The following CLNK variants were observed in gnomAD, a reference collection of about 807,000 sequenced individuals.
CLNK encodes cytokine-dependent hematopoietic cell linker.
In CLNK, 74 loss-of-function variants were observed where a neutral mutation model predicts 68.6. That is an observed-to-expected ratio of 1.08 (90% CI 0.89 to 1.31). The LOEUF is 1.31. Ranked by LOEUF, CLNK falls within the 50% of genes most tolerant of loss-of-function variation. CLNK has a pLI of 0.00. For missense variants in CLNK, 553 were observed against 515.3 expected (o/e 1.07, Z -0.71); for synonymous variants, 198 against 172.2 (o/e 1.15, Z -1.17).
At chr4:10,586,382 A>G (rs1720969910) in intron 3 of CLNK, among the ~76,000 whole-genome samples, 1 of 127,900 alleles carries the variant, frequency 7.8e-6, no homozygotes. Flanking sequence ...ACCAGGCTGG[A>G]GTGCAGTGGT....
intron 2 of CLNK, among the ~76,000 whole-genome samples, chr4:10,648,095 T>G (rs1723583931): frequency 6.6e-6 from 1 of 152,208 alleles, no homozygotes; most frequent in African/African-American, 2.4e-5. Context: ...ATCCTGGTGT[T>G]ATAGGACAGA....
chr4:10,718,114 C>A, the CLNK span, among the ~76,000 whole-genome samples: 2 of 152,130 alleles, frequency 1.3e-5, no homozygotes, highest in African/African-American at 4.8e-5. Flanking sequence ...AATCTATGGG[C>A]TCAACAGCAG....
the CLNK span, among the ~76,000 whole-genome samples, chr4:10,721,634 A>G: frequency 0.44 from 67,546 of 152,054 alleles, 15,583 homozygotes; most frequent in East Asian, 0.58. Context: ...ATATTTTCAT[A>G]CATTCATTCA....
At position 10,502,723 on chromosome 4, in the gene CLNK, A is replaced by G. The variant is rs115449985; in HGVS notation, c.985-1312T>C. Reference sequence around the variant, plus strand: ...TCCTGAAAGAGACATGGGGCTTTTAAGTCATGGATATCAAACTGAATGGAG... The same window carrying G: ...TCCTGAAAGAGACATGGGGCTTTTAGGTCATGGATATCAAACTGAATGGAG... On this transcript the variant is annotated intron_variant, in intron 17 of 18. Coordinates refer to ENST00000226951, the MANE Select transcript of CLNK (RefSeq NM_052964.4). Among the ~76,000 whole-genome samples the G allele has an allele frequency of 7.4e-3, 1,124 of 152,128 alleles. 13 individuals carry two copies. Among genetic ancestry groups the G allele is most frequent in the African/African-American group, 0.026 (1,067 of 41,498 alleles).
chr4:10,572,964 GA>G lies in CLNK; in HGVS notation c.113-1187del, dbSNP rs36029326. The stretch of plus-strand genomic sequence containing the variant: ...GTGCCTCAGCCTCCCGAGTGGCTGG[GA>G]TTACAGGAGCACACCACCACACCCA... On this transcript the variant is annotated intron_variant, in intron 4 of 18. Transcript: ENST00000226951. 3.1e-3 allele frequency among the ~76,000 whole-genome samples: 468 copies of G among 152,212 alleles called. 1 individual carries two copies. Among genetic ancestry groups the G allele is most frequent in the Non-Finnish European group, 5.1e-3 (349 of 68,016 alleles).
intron 11 of CLNK, 46 bp from the exon 12 acceptor site, chr4:10,532,329 T>A: frequency 6.6e-7 from 1 of 1,509,742 alleles, no homozygotes; most frequent in Non-Finnish European, 9.2e-7. Flanking sequence ...CAGTTCATAA[T>A]GACCAAGATA....
the CLNK span, among the ~76,000 whole-genome samples, chr4:10,731,362 C>A: frequency 6.6e-6 from 1 of 152,192 alleles, no homozygotes; most frequent in African/African-American, 2.4e-5. Flanking sequence ...CCGGGTGGTT[C>A]GGGGCTCCCA....
chr4:10,629,094 C>T (rs1022775259), intron 2 of CLNK, among the ~76,000 whole-genome samples: 1 of 152,144 alleles, frequency 6.6e-6, no homozygotes, highest in Non-Finnish European at 1.5e-5. Flanking sequence ...TGACCAGCTC[C>T]CATGCCCCCA....
chr4:10,538,013 G>A (rs1443901942), intron 11 of CLNK, among the ~76,000 whole-genome samples: 1 of 151,880 alleles, frequency 6.6e-6, no homozygotes, highest in Non-Finnish European at 1.5e-5. Context: ...CATTGCTACT[G>A]GGTCCCAAGA....
intron 2 of CLNK, among the ~76,000 whole-genome samples, chr4:10,607,670 T>G (rs1015633034): frequency 6.6e-6 from 1 of 152,166 alleles, no homozygotes; most frequent in African/African-American, 2.4e-5. Context: ...GCTGCAGCAT[T>G]AGGGACCTTG....
chr4:10,690,374 T>C, the CLNK span, among the ~76,000 whole-genome samples: 1 of 152,180 alleles, frequency 6.6e-6, no homozygotes, highest in Admixed American at 6.5e-5. Flanking sequence ...TGACTTTGTA[T>C]TGATTTCCTA....
chr4:10,552,310 G>C (rs1258485534), intron 8 of CLNK, among the ~76,000 whole-genome samples: 1 of 152,106 alleles, frequency 6.6e-6, no homozygotes, highest in East Asian at 1.9e-4. Flanking sequence ...AACCACTTTT[G>C]TAAAGCTAAT....
intron 1 of CLNK, among the ~76,000 whole-genome samples, chr4:10,669,956 T>A (rs1198839526): frequency 6.6e-6 from 1 of 152,168 alleles, no homozygotes; most frequent in Non-Finnish European, 1.5e-5. Context: ...AGAATGCACA[T>A]CAAATACTGG....
the CLNK span, among the ~76,000 whole-genome samples, chr4:10,714,844 A>T: frequency 9.5e-3 from 1,452 of 152,278 alleles, 34 homozygotes; most frequent in African/African-American, 0.033. Flanking sequence ...ACTACATTAT[A>T]CATTCTGACA....
chr4:10,571,641 C>G (rs963124070), intron 5 of CLNK, 100 bp downstream of exon 5: 1 of 972,368 alleles, frequency 1.0e-6, no homozygotes, highest in Middle Eastern at 2.1e-4. Flanking sequence ...CAGCCTGTTA[C>G]TGTTGATTTT....
In CLNK at chr4:10,658,297, T is replaced by TA. The variant is rs1724057968; in HGVS notation, c.11+9561dup. On this transcript the variant is annotated intron_variant, in intron 2 of 18. Coordinates refer to ENST00000226951, the MANE Select transcript of CLNK (RefSeq NM_052964.4). The stretch of plus-strand genomic sequence containing the variant: ...TGGAATATCAGGTCCTATGAATCTT[T>TA]AAATTGTATCCTGAATATCTAACAG... Among the ~76,000 whole-genome samples the TA allele has an allele frequency of 2.0e-5, 3 of 152,368 alleles. No individual in the cohort carries two copies. In the South Asian group the frequency reaches 6.2e-4, roughly 32 times the overall value.
intron 8 of CLNK, among the ~76,000 whole-genome samples, chr4:10,548,577 CA>C (rs1560211561): frequency 2.0e-5 from 3 of 152,156 alleles, no homozygotes; most frequent in African/African-American, 7.2e-5. Context: ...AAGTCATTGG[CA>C]AGATACAATG....
At chr4:10,632,474 T>TA (rs1722930493) in intron 2 of CLNK, among the ~76,000 whole-genome samples, 2 of 152,254 alleles carry the variant, frequency 1.3e-5, no homozygotes, top group African/African-American at 4.8e-5. Context: ...TATACAACTT[T>TA]CATTTAACAT....
chr4:10,490,548 C>G lies in CLNK; in HGVS notation c.1206G>C (p.Gly402=). The G allele has an allele frequency of 6.2e-7, 1 of 1,604,956 alleles. No homozygotes were observed. The highest frequency in any genetic ancestry group is 8.5e-7 in the Non-Finnish European group (1 of 1,175,528). ...TCCTGTGGACCCCAGTTTTATCTTT[C>G]CCATCAATTAGTATAATGGGAAAAT... ...YKNFPIILID[G]KDKTGVHRKQ... Residue 402 remains glycine, a synonymous_variant, in exon 19 of 19, where the codon GGG becomes GGC. Transcript: ENST00000226951.
Sources: allele counts gnomAD v4.1 joint callset (sites outside exome capture counted in the v4.1 genomes callset), GRCh38; gene constraint gnomAD v4.1.1; transcripts MANE v1.5; gene names NCBI Gene and HGNC (gene_info 2026-07-23, HGNC 2026-07-21).